NUMB: variants seen among roughly 807,000 people sequenced by gnomAD.
NUMB encodes the protein protein numb homolog.
Under a neutral mutation model 59.7 loss-of-function variants are expected in NUMB, and 29 were observed. The ratio of observed to expected loss-of-function variants is 0.49; its 90% CI spans 0.36 to 0.66. The LOEUF is 0.66. Among genes scored for constraint, NUMB ranks in the 30% least tolerant of loss-of-function variants. The pLI is 0.00. For synonymous variants in NUMB, 288 were observed against 288.2 expected (o/e 1.00, Z 0.01); for missense variants, 723 against 822.0 (o/e 0.88, Z 1.47).
chr14:73,365,202 G>C (rs1368106712), intron 3 of NUMB, among the ~76,000 whole-genome samples: 1 of 152,030 alleles, frequency 6.6e-6, no homozygotes, highest in Non-Finnish European at 1.5e-5. Flanking sequence ...ACTATACACA[G>C]CTAATTTTTG....
intron 1 of NUMB, among the ~76,000 whole-genome samples, chr14:73,411,409 TAAG>T (rs1329758629): frequency 2.7e-5 from 4 of 150,064 alleles, no homozygotes; most frequent in Non-Finnish European, 4.4e-5. Flanking sequence ...GGTAAACAGA[TAAG>T]ATGCTATAAG....
At chr14:73,449,616 A>G (rs182554467) in intron 1 of NUMB, among the ~76,000 whole-genome samples, 1 of 152,316 alleles carries the variant, frequency 6.6e-6, no homozygotes, top group African/African-American at 2.4e-5. Flanking sequence ...CATTTACCCC[A>G]TGTTTCAGTC....
chr14:73,384,553 C>A (rs572757519), intron 2 of NUMB, among the ~76,000 whole-genome samples: 60 of 152,196 alleles, frequency 3.9e-4, no homozygotes, highest in Non-Finnish European at 8.2e-4. Context: ...AGAAGAAATA[C>A]ATGCATAAAA....
chr14:73,457,327 G>A (rs1025440863), intron 1 of NUMB, among the ~76,000 whole-genome samples: 2 of 152,022 alleles, frequency 1.3e-5, no homozygotes, highest in Admixed American at 1.3e-4. Flanking sequence ...TCTAAAACAA[G>A]TCACTTAACC....
intron 6 of NUMB, among the ~76,000 whole-genome samples, chr14:73,301,508 G>C (rs2139857990): frequency 6.6e-6 from 1 of 152,260 alleles, no homozygotes; most frequent in Middle Eastern, 3.4e-3. Flanking sequence ...GCACAGGACA[G>C]CTCACTGCAG....
intron 2 of NUMB, among the ~76,000 whole-genome samples, chr14:73,380,220 G>A (rs1895162864): frequency 6.6e-6 from 1 of 152,144 alleles, no homozygotes; most frequent in East Asian, 1.9e-4. Flanking sequence ...CACATGGTAG[G>A]ATTCTGGACG....
chr14:73,383,945 A>G (rs1234212498), intron 2 of NUMB, among the ~76,000 whole-genome samples: 1 of 152,088 alleles, frequency 6.6e-6, no homozygotes, highest in African/African-American at 2.4e-5. Flanking sequence ...TGAACTCAGG[A>G]GGCAGAGGTT....
intron 1 of NUMB, among the ~76,000 whole-genome samples, chr14:73,412,648 A>AG (rs1321435007): frequency 6.6e-6 from 1 of 151,552 alleles, no homozygotes; most frequent in Non-Finnish European, 1.5e-5. Flanking sequence ...AAAAAAAAAA[A>AG]AAGAGATGGG....
chr14:73,309,706 C>T (rs1890658532), intron 6 of NUMB, among the ~76,000 whole-genome samples: 1 of 131,076 alleles, frequency 7.6e-6, no homozygotes, highest in African/African-American at 2.8e-5. Flanking sequence ...ACATATATCC[C>T]AGAACTTAAG....
chr14:73,325,881 AGG>A (rs1218479378), intron 4 of NUMB, among the ~76,000 whole-genome samples: 4 of 152,210 alleles, frequency 2.6e-5, no homozygotes, highest in Non-Finnish European at 5.9e-5. Context: ...CACACCTCTA[AGG>A]CAGGGGGAAC....
At chr14:73,393,753 TTAAAA>T (rs1260098710) in intron 2 of NUMB, among the ~76,000 whole-genome samples, 1 of 152,192 alleles carries the variant, frequency 6.6e-6, no homozygotes, top group Non-Finnish European at 1.5e-5. Context: ...ATAAAAGTCT[TTAAAA>T]TAAAGCACTT....
At chr14:73,442,167 T>C (rs1295379332) in intron 1 of NUMB, among the ~76,000 whole-genome samples, 3 of 137,994 alleles carry the variant, frequency 2.2e-5, no homozygotes, top group South Asian at 2.3e-4. Context: ...CTGGGAAACA[T>C]AGTGAGAGAC....
intron 2 of NUMB, among the ~76,000 whole-genome samples, chr14:73,392,291 T>C (rs1895891924): frequency 6.6e-6 from 1 of 152,264 alleles, no homozygotes; most frequent in South Asian, 2.1e-4. Context: ...AATTAATTAC[T>C]TGAGCCAATA....
Position 73,304,853 on chromosome 14 carries a change from T to TG in NUMB, c.235-7569dup, listed in dbSNP as rs547008355. On this transcript the variant is annotated intron_variant, in intron 6 of 12. Coordinates refer to ENST00000555238, the MANE Select transcript of NUMB (RefSeq NM_001005743.2). ...TCGGCTCATTGCAACCTCCACCTCCTGCGTTCAAGCGATTCTCCTGCCTCA... is the reference window on the plus strand; with the variant it reads ...TCGGCTCATTGCAACCTCCACCTCCTGGCGTTCAAGCGATTCTCCTGCCTCA... Among the ~76,000 whole-genome samples the TG allele has an allele frequency of 1.4e-4, 22 of 152,208 alleles. No homozygotes were observed. In the East Asian group the frequency reaches 4.1e-3, roughly 28 times the overall value.
At chr14:73,357,885 C>T (rs527261124) in intron 3 of NUMB, among the ~76,000 whole-genome samples, 4,360 of 139,228 alleles carry the variant, frequency 0.031, 221 homozygotes, top group African/African-American at 0.11. Context: ...TCCTGAGGCC[C>T]CCCCCAAAAA....
chr14:73,287,822 G>A (rs754236317), intron 8 of NUMB, among the ~76,000 whole-genome samples: 4 of 152,190 alleles, frequency 2.6e-5, no homozygotes, highest in Non-Finnish European at 4.4e-5. Context: ...AAGCCTTGGG[G>A]TAAAGTGATA....
chr14:73,306,223 C>G (rs1890419800), intron 6 of NUMB, among the ~76,000 whole-genome samples: 1 of 152,124 alleles, frequency 6.6e-6, no homozygotes, highest in African/African-American at 2.4e-5. Flanking sequence ...TAGGAAAACA[C>G]AAGGATGGAG....
chr14:73,287,286 C>G lies in NUMB; in HGVS notation c.479G>C (p.Cys160Ser), dbSNP rs755423799. Residue 160 changes from cysteine (C) to serine (S), a missense_variant, in exon 9 of 13, where the codon TGT becomes TCT. Cys to Ser is a moderately radical substitution (Grantham distance 112). Around this residue, in one of 2 missense-constraint regions of NUMB, gnomAD observed 317 missense variants for 436.6 expected, o/e 0.73. Transcript: ENST00000555238. ...GCGCTCTAAACAGGCTGCAAAAGCA[C>G]AGCCTACTGCATGGCTCAACCTTTC... is the stretch of plus-strand genomic sequence containing the variant. ...TGERLSHAVG[C>S]AFAACLERKQ... 6.2e-7 allele frequency: 1 copy of G among 1,613,712 alleles called. No homozygotes were observed. The highest frequency in any genetic ancestry group is 8.5e-7 in the Non-Finnish European group (1 of 1,179,900).
intron 1 of NUMB, among the ~76,000 whole-genome samples, chr14:73,457,272 C>G (rs1023301615): frequency 6.6e-6 from 1 of 152,116 alleles, no homozygotes; most frequent in Non-Finnish European, 1.5e-5. Flanking sequence ...TGTCAATGAA[C>G]CTATTTCCTA....
Sources: gnomAD v4.1 joint callset for allele counts (sites outside exome capture counted in the v4.1 genomes callset) on GRCh38, gnomAD v4.1.1 for gene constraint, gnomAD v4.1.1 regional missense constraint, MANE v1.5 for transcripts, NCBI Gene and HGNC (gene_info 2026-07-23, HGNC 2026-07-21) for gene names.